CAMTA1: variants seen among roughly 807,000 people sequenced by gnomAD.
CAMTA1 encodes the protein calmodulin binding transcription activator 1.
Under a neutral mutation model 170.9 loss-of-function variants are expected in CAMTA1, and 27 were observed. The observed-to-expected ratio is 0.16, with a 90% CI of 0.12 to 0.22. The LOEUF (loss-of-function observed/expected upper bound fraction) is 0.22, where lower values mean the gene tolerates loss of function less well. Among genes scored for constraint, CAMTA1 ranks in the 10% least tolerant of loss-of-function variants. The probability of loss-of-function intolerance (pLI) is 1.00; values close to 1 mark genes in which losing one functional copy is unlikely to be tolerated. For synonymous variants in CAMTA1, 833 were observed against 891.5 expected, an observed-to-expected ratio of 0.93 and a Z score of 1.17; for missense variants, 1,619 against 2,217.2, an observed-to-expected ratio of 0.73 and a Z score of 5.42.
At chr1:6,964,318 C>T (rs1178684529) in intron 3 of CAMTA1, among the ~76,000 whole-genome samples, 1 of 151,718 alleles carries the variant, frequency 6.6e-6, no homozygotes, top group Non-Finnish European at 1.5e-5. Flanking sequence ...TCCTCGGTGC[C>T]CCCGGAGGGT....
At chr1:7,497,915 G>A (rs1292500536) in intron 6 of CAMTA1, among the ~76,000 whole-genome samples, 1 of 152,190 alleles carries the variant, frequency 6.6e-6, no homozygotes, top group African/African-American at 2.4e-5. Flanking sequence ...CCACAACCCA[G>A]GCAGGAGAGA....
intron 3 of CAMTA1, among the ~76,000 whole-genome samples, chr1:6,939,604 T>C (rs1686066109): frequency 6.6e-6 from 1 of 152,204 alleles, no homozygotes; most frequent in African/African-American, 2.4e-5. Flanking sequence ...GGGGTCCTGC[T>C]TAGCCTGGTC....
chr1:7,110,970 TAAGGTGTCAG>T (rs1643999902), intron 4 of CAMTA1, among the ~76,000 whole-genome samples: 1 of 152,244 alleles, frequency 6.6e-6, no homozygotes, highest in South Asian at 2.1e-4. Context: ...GAGCTGAAAT[TAAGGTGTCAG>T]AAGGGCTGCG....
chr1:7,536,323 C>G (rs17031070), intron 6 of CAMTA1, among the ~76,000 whole-genome samples: 14,176 of 152,264 alleles, frequency 0.093, 974 homozygotes, highest in East Asian at 0.27. Flanking sequence ...ACTGACTCAG[C>G]ACTTTCAGGG....
chr1:7,675,786 CG>C (rs2096113328), intron 10 of CAMTA1, among the ~76,000 whole-genome samples: 1 of 151,984 alleles, frequency 6.6e-6, no homozygotes, highest in Non-Finnish European at 1.5e-5. Flanking sequence ...ACTGCATGAG[CG>C]GGGAAGGGAA....
At chr1:6,995,301 T>C (rs981975095) in intron 3 of CAMTA1, among the ~76,000 whole-genome samples, 10 of 111,794 alleles carry the variant, frequency 8.9e-5, no homozygotes, top group East Asian at 2.4e-4. Flanking sequence ...TTTTCTTTTT[T>C]TTTTTTTTTT....
At chr1:7,180,197 T>C (rs1355115577) in intron 4 of CAMTA1, among the ~76,000 whole-genome samples, 1 of 152,028 alleles carries the variant, frequency 6.6e-6, no homozygotes. Flanking sequence ...TAAAACCGTG[T>C]CTCTACTAAA....
Position 6,887,929 on chromosome 1 carries a change from C to A in CAMTA1, c.234+62719C>A. 7.5e-7 allele frequency: 1 copy of A among 1,327,772 alleles called. No individual in the cohort carries two copies. The highest frequency in any genetic ancestry group is 9.7e-7 in the Non-Finnish European group (1 of 1,032,240). 82.2% of individuals were successfully genotyped at this position (1,327,772 alleles called of 1,614,324 possible). A position where few individuals can be genotyped will look rare whatever the true frequency, so the allele number is the denominator to read the frequency against. ...GAGTTATTACGAAGGAGCTCCGCAG[C>A]CTGACTGAGCTCTGGAGAGCAGGGC... On this transcript the variant is annotated intron_variant, in intron 3 of 22. Coordinates refer to ENST00000303635, the MANE Select transcript of CAMTA1 (RefSeq NM_015215.4). The surrounding 1 kb of genome is among the most constrained non-coding windows in gnomAD (Gnocchi z 4.1).
intron 21 of CAMTA1, among the ~76,000 whole-genome samples, chr1:7,752,805 C>T (rs1032363799): frequency 6.6e-6 from 1 of 152,306 alleles, no homozygotes; most frequent in Non-Finnish European, 1.5e-5. Context: ...TCAACTTAGT[C>T]GGACTAGCTT....
intron 6 of CAMTA1, among the ~76,000 whole-genome samples, chr1:7,563,829 CAAAG>C (rs2094996202): frequency 1.3e-5 from 2 of 152,178 alleles, no homozygotes; most frequent in East Asian, 3.9e-4. Context: ...GCCCTGCAAA[CAAAG>C]CAGACCAAAT....
At chr1:7,192,602 G>T (rs576481125) in intron 4 of CAMTA1, among the ~76,000 whole-genome samples, 1 of 152,228 alleles carries the variant, frequency 6.6e-6, no homozygotes. Context: ...ATTGAGCCGA[G>T]TGCCACCTGC....
At chr1:7,071,293 A>G (rs1295544863) in intron 3 of CAMTA1, among the ~76,000 whole-genome samples, 1 of 152,226 alleles carries the variant, frequency 6.6e-6, no homozygotes, top group Non-Finnish European at 1.5e-5. Flanking sequence ...AGCAAACAAT[A>G]GACTCACTTG....
At chr1:7,348,789 A>C (rs974539896) in intron 5 of CAMTA1, among the ~76,000 whole-genome samples, 11 of 152,208 alleles carry the variant, frequency 7.2e-5, no homozygotes, top group African/African-American at 2.4e-4. Flanking sequence ...TCCGTTAAGC[A>C]TCAAAGAGAG....
rs2096776667 is a variant in CAMTA1 at position 7,736,897 on chromosome 1, A to G, written c.3264-34A>G. 3 of 1,524,150 alleles carry G rather than the reference A, an allele frequency of 2.0e-6. No homozygotes were observed. The East Asian group carries it at 6.8e-5, about 34-fold the overall frequency. The allele number at this position is 1,524,150 out of a possible 1,614,324, so 94.4% of individuals were successfully genotyped here. A position where few individuals can be genotyped will look rare whatever the true frequency, so the allele number is the denominator to read the frequency against. ...TGGTGTTTCCTTTTAACGGTGGTGA[A>G]TAGTGTGGTAATTTCTGGTGCTCTC... On this transcript the variant is annotated intron_variant, in intron 13 of 22. Transcript: ENST00000303635. The surrounding 1 kb of genome is among the most constrained non-coding windows in gnomAD (Gnocchi z 4.5).
rs754271626 is a variant in CAMTA1, at chr1:7,745,836, T to A, written c.4371-9T>A. 1.4e-5 allele frequency: 23 copies of A among 1,613,840 alleles called. No homozygotes were observed. The highest frequency in any genetic ancestry group is 1.9e-5 in the Non-Finnish European group (23 of 1,179,738). ...TAATCTGTCTCTCCTTTTTCTCCTC[T>A]TGTTTCAGAAGTGCATATAACGAGC... On this transcript the variant is annotated splice_polypyrimidine_tract_variant and intron_variant, in intron 17 of 22. Transcript: ENST00000303635.
intron 6 of CAMTA1, among the ~76,000 whole-genome samples, chr1:7,481,038 T>G (rs1162887294): frequency 6.6e-6 from 1 of 152,124 alleles, no homozygotes; most frequent in Non-Finnish European, 1.5e-5. Context: ...TGCCCCTCTT[T>G]CCCTCACTGC....
intron 5 of CAMTA1, among the ~76,000 whole-genome samples, chr1:7,373,014 C>A (rs138025121): frequency 2.0e-5 from 3 of 152,352 alleles, no homozygotes; most frequent in East Asian, 1.9e-4. Flanking sequence ...AGAAGCTCCA[C>A]AGGTTCTTGC....
chr1:7,354,151 T>TC (rs1193508215), intron 5 of CAMTA1, among the ~76,000 whole-genome samples: 3 of 125,608 alleles, frequency 2.4e-5, no homozygotes, highest in African/African-American at 1.2e-4. Flanking sequence ...TCTTTTTCTC[T>TC]TTTTTTTTTT....
intron 3 of CAMTA1, among the ~76,000 whole-genome samples, chr1:7,011,473 C>T (rs1557968055): frequency 6.6e-6 from 1 of 152,178 alleles, no homozygotes; most frequent in Non-Finnish European, 1.5e-5. Flanking sequence ...CCTTCGCCCT[C>T]CTATCCACTC....
Sources: gnomAD v4.1 joint callset for allele counts (sites outside exome capture counted in the v4.1 genomes callset) on GRCh38, gnomAD v4.1.1 for gene constraint, Gnocchi (gnomAD v3.1) non-coding constraint, MANE v1.5 for transcripts, NCBI Gene and HGNC (gene_info 2026-07-23, HGNC 2026-07-21) for gene names.